VAV3: variants seen among roughly 807,000 people sequenced by gnomAD.
VAV3 encodes guanine nucleotide exchange factor VAV3.
VAV3 carries 94 observed loss-of-function variants against 131.2 expected under a neutral mutation model. That is an observed-to-expected ratio of 0.72 (90% CI 0.61 to 0.85). VAV3 has a LOEUF of 0.85. Among genes scored for constraint, VAV3 ranks in the 40% least tolerant of loss-of-function variants. The pLI is 0.00. For synonymous variants in VAV3, 349 were observed against 342.0 expected (o/e 1.02, Z -0.22); for missense variants, 939 against 1,002.7 (o/e 0.94, Z 0.86).
At chr1:107,799,261 T>C (rs1028214727) in intron 2 of VAV3, among the ~76,000 whole-genome samples, 4 of 152,106 alleles carry the variant, frequency 2.6e-5, no homozygotes, top group East Asian at 1.9e-4. Flanking sequence ...AGCTTCCTAA[T>C]TCAAAATCAG....
At position 107,775,060 on chromosome 1, in the gene VAV3, G is replaced by A. The variant is rs202059103; in HGVS notation, c.446+2171C>T. Among the ~76,000 whole-genome samples the A allele has an allele frequency of 3.0e-4, 46 of 152,124 alleles. No homozygotes were observed. In the East Asian group the frequency reaches 3.3e-3, roughly 11 times the overall value. The stretch of plus-strand genomic sequence containing the variant: ...TTTCTTTAATCCTGCAAATACATTC[G>A]GACCTTCGGCCACCAGGTAGAAATT... On this transcript the variant is annotated intron_variant, in intron 4 of 26. Transcript: ENST00000370056.
At chr1:107,719,707 G>A (rs1457595927) in intron 15 of VAV3, among the ~76,000 whole-genome samples, 1 of 152,286 alleles carries the variant, frequency 6.6e-6, no homozygotes, top group East Asian at 1.9e-4. Flanking sequence ...TCCCACTACT[G>A]GGTATATACC....
At chr1:107,881,428 G>T (rs1440419757) in intron 1 of VAV3, among the ~76,000 whole-genome samples, 1 of 152,134 alleles carries the variant, frequency 6.6e-6, no homozygotes, top group Non-Finnish European at 1.5e-5. Flanking sequence ...TTAGCAAATT[G>T]GGGGACATAG....
intron 15 of VAV3, among the ~76,000 whole-genome samples, chr1:107,723,302 T>C (rs923957286): frequency 2.0e-5 from 3 of 152,118 alleles, no homozygotes; most frequent in South Asian, 2.1e-4. Flanking sequence ...CAGCCTCCCC[T>C]GACTTGTGCT....
chr1:107,949,030 CCTTAGA>C (rs914279745), intron 1 of VAV3, among the ~76,000 whole-genome samples: 2 of 152,074 alleles, frequency 1.3e-5, no homozygotes, highest in African/African-American at 4.8e-5. Context: ...ACCTATATCC[CCTTAGA>C]CTTAAACAGG....
intron 1 of VAV3, among the ~76,000 whole-genome samples, chr1:107,929,207 G>C (rs1300019129): frequency 2.1e-5 from 3 of 144,228 alleles, no homozygotes; most frequent in Non-Finnish European, 4.5e-5. Flanking sequence ...AGAATGGCGT[G>C]AACCCAGGAG....
At chr1:107,938,218 G>A (rs755142460) in intron 1 of VAV3, among the ~76,000 whole-genome samples, 5 of 152,104 alleles carry the variant, frequency 3.3e-5, no homozygotes, top group African/African-American at 1.2e-4. Flanking sequence ...GGCGATCCCC[G>A]AGCCAGAAAA....
chr1:107,718,418 C>CT (rs954336905), intron 15 of VAV3, among the ~76,000 whole-genome samples: 1 of 151,884 alleles, frequency 6.6e-6, no homozygotes, highest in African/African-American at 2.4e-5. Flanking sequence ...CAATTACAGA[C>CT]AAACAGAGAG....
At chr1:107,878,751 T>C (rs984283353) in intron 1 of VAV3, among the ~76,000 whole-genome samples, 2 of 152,176 alleles carry the variant, frequency 1.3e-5, no homozygotes, top group African/African-American at 2.4e-5. Flanking sequence ...ATCTCTCTAC[T>C]GTAAAGGTAC....
chr1:107,647,670 G>T (rs966822130), intron 19 of VAV3, among the ~76,000 whole-genome samples: 2 of 151,930 alleles, frequency 1.3e-5, no homozygotes, highest in African/African-American at 4.8e-5. Context: ...AAATTTCCTA[G>T]GTGTGACATC....
chr1:107,868,330 G>A (rs769933615), intron 2 of VAV3, among the ~76,000 whole-genome samples: 19 of 152,176 alleles, frequency 1.2e-4, no homozygotes, highest in Non-Finnish European at 2.5e-4. Context: ...GTTTTCAGGT[G>A]TTGATTAACG....
intron 5 of VAV3, among the ~76,000 whole-genome samples, chr1:107,771,638 C>T (rs1210873302): frequency 1.3e-5 from 2 of 152,164 alleles, no homozygotes; most frequent in African/African-American, 4.8e-5. Flanking sequence ...AATTACAGTA[C>T]CAACCCCAAG....
chr1:107,808,358 G>T (rs1667161269), intron 2 of VAV3, among the ~76,000 whole-genome samples: 1 of 152,110 alleles, frequency 6.6e-6, no homozygotes, highest in Admixed American at 6.5e-5. Context: ...CAAAAGTAAT[G>T]AATGTGCATA....
intron 19 of VAV3, among the ~76,000 whole-genome samples, chr1:107,682,997 C>G (rs1658757229): frequency 6.6e-6 from 1 of 152,126 alleles, no homozygotes; most frequent in African/African-American, 2.4e-5. Context: ...AATAATTGGT[C>G]TCCGGAGAGG....
intron 2 of VAV3, among the ~76,000 whole-genome samples, chr1:107,854,831 A>G (rs182945919): frequency 2.0e-5 from 3 of 152,356 alleles, no homozygotes; most frequent in Admixed American, 2.0e-4. Context: ...CATAACAGTA[A>G]CTGCTGTAAC....
At chr1:107,825,753 C>T (rs575217813) in intron 2 of VAV3, among the ~76,000 whole-genome samples, 1 of 152,298 alleles carries the variant, frequency 6.6e-6, no homozygotes, top group African/African-American at 2.4e-5. Context: ...CAAAGCTCAG[C>T]TTAAAAGTCA....
At chr1:107,934,750 T>C (rs541862132) in intron 1 of VAV3, among the ~76,000 whole-genome samples, 1 of 152,362 alleles carries the variant, frequency 6.6e-6, no homozygotes, top group South Asian at 2.1e-4. Context: ...GTATTTAGCA[T>C]TTTCAAATAT....
intron 4 of VAV3, among the ~76,000 whole-genome samples, chr1:107,775,628 T>C (rs1023447645): frequency 3.0e-5 from 4 of 132,306 alleles, no homozygotes; most frequent in Non-Finnish European, 6.6e-5. Flanking sequence ...GCACTAGAAA[T>C]TAAATATTCC....
At chr1:107,744,957 C>T (rs922872121) in intron 15 of VAV3, among the ~76,000 whole-genome samples, 10 of 152,144 alleles carry the variant, frequency 6.6e-5, no homozygotes, top group South Asian at 2.1e-4. Flanking sequence ...AGCTACAAAA[C>T]GGGTATGACA....
Sources: allele counts gnomAD v4.1 joint callset (sites outside exome capture counted in the v4.1 genomes callset), GRCh38; gene constraint gnomAD v4.1.1; transcripts MANE v1.5; gene names NCBI Gene and HGNC (gene_info 2026-07-23, HGNC 2026-07-21).